The following GMDS variants were observed in gnomAD, a reference collection of about 807,000 sequenced individuals.
GMDS encodes the protein GDP-mannose 4,6-dehydratase.
A neutral mutation model predicts 49.9 loss-of-function variants in GMDS; 20 were observed. The observed-to-expected ratio is 0.40, with a 90% CI of 0.28 to 0.58. The LOEUF (loss-of-function observed/expected upper bound fraction) is 0.58. GMDS is among the 20% of genes least tolerant of loss of function. The probability of loss-of-function intolerance (pLI) is 0.42; values close to 1 mark genes in which losing one functional copy is unlikely to be tolerated. For missense variants in GMDS, 362 were observed against 481.4 expected, an observed-to-expected ratio of 0.75 and a Z score of 2.32; for synonymous variants, 177 against 178.6, an observed-to-expected ratio of 0.99 and a Z score of 0.07.
chr6:1,907,712 G>A (rs1341463078), intron 7 of GMDS, among the ~76,000 whole-genome samples: 1 of 152,188 alleles, frequency 6.6e-6, no homozygotes, highest in Non-Finnish European at 1.5e-5. Context: ...GGAGGCAGGT[G>A]AGCCTCCTGA....
At chr6:1,808,717 A>T (rs944612436) in intron 7 of GMDS, among the ~76,000 whole-genome samples, 9 of 152,248 alleles carry the variant, frequency 5.9e-5, no homozygotes, top group African/African-American at 2.2e-4. Flanking sequence ...TTAGAAAAAG[A>T]TCAACTTATC....
At chr6:1,924,329 C>T (rs1228272071) in intron 7 of GMDS, among the ~76,000 whole-genome samples, 1 of 152,206 alleles carries the variant, frequency 6.6e-6, no homozygotes, top group Admixed American at 6.5e-5. Flanking sequence ...CCTAACGATC[C>T]TCACGTCCTC....
intron 4 of GMDS, among the ~76,000 whole-genome samples, chr6:2,084,699 G>A (rs913766022): frequency 8.6e-5 from 13 of 151,970 alleles, no homozygotes; most frequent in Non-Finnish European, 1.2e-4. Context: ...AATAGAGATG[G>A]GGTTTCACCG....
chr6:2,124,660 G>A, intron 2 of GMDS, 27 bp downstream of exon 2: 2 of 1,599,508 alleles, frequency 1.3e-6, no homozygotes, highest in African/African-American at 1.3e-5. Flanking sequence ...CCACCAGCCT[G>A]CGCCCGCTTC....
intron 4 of GMDS, among the ~76,000 whole-genome samples, chr6:2,112,577 C>G (rs1339505205): frequency 6.6e-6 from 1 of 152,160 alleles, no homozygotes. Flanking sequence ...ATGCTACAAG[C>G]TTTACCCATC....
chr6:1,723,323 T>C (rs1184082811), intron 9 of GMDS, among the ~76,000 whole-genome samples: 15 of 135,310 alleles, frequency 1.1e-4, no homozygotes, highest in Non-Finnish European at 1.8e-4. Context: ...AAATTTTCTT[T>C]ATGGCATTTT....
chr6:1,657,310 G>A (rs1275323642), intron 9 of GMDS, among the ~76,000 whole-genome samples: 1 of 152,220 alleles, frequency 6.6e-6, no homozygotes, highest in Non-Finnish European at 1.5e-5. Flanking sequence ...GTGCAAGGTG[G>A]ACAGCACCCA....
In GMDS at chr6:2,064,154, AT is replaced by A. The variant is rs1404494757; in HGVS notation, c.345+51616del. On this transcript the variant is annotated intron_variant, in intron 4 of 10. Coordinates refer to ENST00000380815, the MANE Select transcript of GMDS (RefSeq NM_001500.4). ...TCAGAATACAAAGAGTAGATCTCATATTTTCATCACCTGAAAAGTAGACCCT... is the reference window on the plus strand; with the variant it reads ...TCAGAATACAAAGAGTAGATCTCATATTTCATCACCTGAAAAGTAGACCCT... 2.6e-5 allele frequency among the ~76,000 whole-genome samples: 4 copies of A among 151,862 alleles called. No individual in the cohort carries two copies. The East Asian group carries it at 7.8e-4, about 29-fold the overall frequency.
At chr6:1,999,832 C>A (rs1298008866) in intron 4 of GMDS, among the ~76,000 whole-genome samples, 2 of 136,278 alleles carry the variant, frequency 1.5e-5, no homozygotes, top group Non-Finnish European at 3.1e-5. Context: ...TTATCTGTTG[C>A]CATAGTTCAC....
intron 7 of GMDS, among the ~76,000 whole-genome samples, chr6:1,912,363 C>G (rs189075055): frequency 6.6e-6 from 1 of 150,518 alleles, no homozygotes; most frequent in Non-Finnish European, 1.5e-5. Context: ...GAGACTTTGT[C>G]TAAAAAAAAT....
chr6:1,681,225 C>T (rs1764777511), intron 9 of GMDS, among the ~76,000 whole-genome samples: 1 of 151,870 alleles, frequency 6.6e-6, no homozygotes, highest in African/African-American at 2.4e-5. Flanking sequence ...ACTGTGTCTA[C>T]ACACCTGCCT....
chr6:2,241,015 C>G (rs1304689805), intron 1 of GMDS, among the ~76,000 whole-genome samples: 1 of 152,156 alleles, frequency 6.6e-6, no homozygotes, highest in East Asian at 1.9e-4. Context: ...AAAAGGGAGC[C>G]AGGTGCTAAT....
At chr6:1,690,469 T>C (rs748012097) in intron 9 of GMDS, among the ~76,000 whole-genome samples, 6 of 152,196 alleles carry the variant, frequency 3.9e-5, no homozygotes, top group Non-Finnish European at 8.8e-5. Flanking sequence ...CTTTATGAAA[T>C]AGGGAATCCT....
At chr6:1,647,640 A>G (rs1763527226) in intron 9 of GMDS, among the ~76,000 whole-genome samples, 1 of 152,212 alleles carries the variant, frequency 6.6e-6, no homozygotes, top group African/African-American at 2.4e-5. Flanking sequence ...GTGTGACAAG[A>G]CACTGACTTA....
At chr6:2,124,057 T>C (rs1480908572) in intron 2 of GMDS, among the ~76,000 whole-genome samples, 1 of 151,890 alleles carries the variant, frequency 6.6e-6, no homozygotes, top group Non-Finnish European at 1.5e-5. Flanking sequence ...TTTTTTTCTG[T>C]ATAGCATGAA....
intron 7 of GMDS, among the ~76,000 whole-genome samples, chr6:1,921,507 T>C (rs1761714546): frequency 6.6e-6 from 1 of 152,148 alleles, no homozygotes; most frequent in South Asian, 2.1e-4. Flanking sequence ...TTATTTTAAA[T>C]AATACACTGA....
intron 6 of GMDS, among the ~76,000 whole-genome samples, chr6:1,935,487 T>G (rs1581386961): frequency 6.6e-6 from 1 of 152,220 alleles, no homozygotes; most frequent in East Asian, 1.9e-4. Flanking sequence ...TATCTACAAT[T>G]AAGTCTCAAT....
chr6:2,172,671 GAC>G (rs1778077078), intron 1 of GMDS, among the ~76,000 whole-genome samples: 1 of 151,800 alleles, frequency 6.6e-6, no homozygotes. Context: ...CAGCCTGGGC[GAC>G]ACAGTGAGGC....
chr6:1,628,901 C>G (rs1762919148), intron 9 of GMDS, among the ~76,000 whole-genome samples: 1 of 152,126 alleles, frequency 6.6e-6, no homozygotes, highest in Non-Finnish European at 1.5e-5. Context: ...TGAGGAATAG[C>G]TCAGGTTCCA....
Sources: gnomAD v4.1 joint callset for allele counts (sites outside exome capture counted in the v4.1 genomes callset) on GRCh38, gnomAD v4.1.1 for gene constraint, MANE v1.5 for transcripts, NCBI Gene and HGNC (gene_info 2026-07-23, HGNC 2026-07-21) for gene names.